ENOX1: variants seen among roughly 807,000 people sequenced by gnomAD.
ENOX1 encodes ecto-NOX disulfide-thiol exchanger 1.
Under a neutral mutation model 82.5 loss-of-function variants are expected in ENOX1, and 42 were observed. The ratio of observed to expected loss-of-function variants is 0.51; its 90% CI spans 0.40 to 0.66. ENOX1 has a LOEUF of 0.66. Among genes scored for constraint, ENOX1 ranks in the 30% least tolerant of loss-of-function variants. The pLI is 0.00. For synonymous variants in ENOX1, 271 were observed against 282.2 expected, an observed-to-expected ratio of 0.96 and a Z score of 0.40; for missense variants, 608 against 811.6, an observed-to-expected ratio of 0.75 and a Z score of 3.05.
chr13:43,249,518 A>G (rs1021360315), intron 14 of ENOX1, among the ~76,000 whole-genome samples: 3 of 152,136 alleles, frequency 2.0e-5, no homozygotes, highest in Non-Finnish European at 2.9e-5. Flanking sequence ...TACTAACTCT[A>G]TTGCTGGTAA....
chr13:43,627,019 C>T (rs1221560025), intron 2 of ENOX1, among the ~76,000 whole-genome samples: 1 of 151,862 alleles, frequency 6.6e-6, no homozygotes, highest in East Asian at 1.9e-4. Context: ...AGTAGATTGA[C>T]CTTTGCATCA....
rs574005570 is a variant in ENOX1, at chr13:43,429,682, G to A, written c.-74-16694C>T. On this transcript the variant is annotated intron_variant, in intron 3 of 16. Coordinates refer to ENST00000690772, the MANE Select transcript of ENOX1 (RefSeq NM_001347969.2). ...GCTTGGGGACCAAATAGATGAGCAG[G>A]CCATGTTAGGAAGGGCAGCAAGGAA... 3.3e-5 allele frequency among the ~76,000 whole-genome samples: 5 copies of A among 152,266 alleles called. No homozygotes were observed. The East Asian group carries it at 9.6e-4, about 29-fold the overall frequency.
chr13:43,583,899 A>G (rs1240483478), intron 2 of ENOX1, among the ~76,000 whole-genome samples: 1 of 151,440 alleles, frequency 6.6e-6, no homozygotes, highest in Non-Finnish European at 1.5e-5. Flanking sequence ...AAATCTTTCC[A>G]TACTTAAACA....
At chr13:43,253,268 G>C (rs959818569) in intron 14 of ENOX1, among the ~76,000 whole-genome samples, 1 of 150,232 alleles carries the variant, frequency 6.7e-6, no homozygotes, top group Non-Finnish European at 1.5e-5. Context: ...TCCTGTTCCA[G>C]TCTTTCCCGC....
intron 1 of ENOX1, among the ~76,000 whole-genome samples, chr13:43,703,487 C>A (rs780552233): frequency 1.1e-4 from 16 of 152,112 alleles, no homozygotes; most frequent in Non-Finnish European, 2.2e-4. Flanking sequence ...TTCTTAGATA[C>A]CTCTCTGAAG....
At chr13:43,600,181 A>G (rs1471571835) in intron 2 of ENOX1, among the ~76,000 whole-genome samples, 1 of 152,146 alleles carries the variant, frequency 6.6e-6, no homozygotes, top group Non-Finnish European at 1.5e-5. Context: ...ACAGTTTAGG[A>G]ACCAGCTCCG....
chr13:43,331,993 G>C (rs775057267), intron 9 of ENOX1, among the ~76,000 whole-genome samples: 1 of 152,066 alleles, frequency 6.6e-6, no homozygotes, highest in Non-Finnish European at 1.5e-5. Flanking sequence ...TTCAAATAGA[G>C]GAAGAAAAGG....
At chr13:43,615,186 A>T (rs1011193419) in intron 2 of ENOX1, among the ~76,000 whole-genome samples, 1 of 152,214 alleles carries the variant, frequency 6.6e-6, no homozygotes, top group Non-Finnish European at 1.5e-5. Context: ...GACATCAGTG[A>T]GCTTAAGGAA....
chr13:43,770,177 C>T lies in ENOX1; in HGVS notation c.-285+16475G>A, dbSNP rs118179735. ...TGAGGCATTTCCGCTTCTTCTTTAA[C>T]AAAACTCTTAGTTTCCAATTCATGA... On this transcript the variant is annotated intron_variant, in intron 1 of 16. Coordinates refer to ENST00000690772, the MANE Select transcript of ENOX1 (RefSeq NM_001347969.2). Among the ~76,000 whole-genome samples the T allele has an allele frequency of 4.1e-4, 63 of 152,324 alleles. No homozygotes were observed. In the East Asian group the frequency reaches 0.01, roughly 25 times the overall value.
At chr13:43,252,461 A>G in intron 14 of ENOX1, among the ~76,000 whole-genome samples, 1 of 152,202 alleles carries the variant, frequency 6.6e-6, no homozygotes, top group Middle Eastern at 3.2e-3. Context: ...ATGTCTGCAC[A>G]GCTTAGAAAT....
chr13:43,298,463 G>A lies in ENOX1; in HGVS notation c.1329C>T (p.Tyr443=). 1 of 1,614,064 alleles carries A rather than the reference G, an allele frequency of 6.2e-7. No homozygotes were observed. The part of the protein sequence containing the change: ...NDSLRWQLDA[Y]RNEVELLKQE... ...GTTTCAGCAGCTCCACCTCATTCCT[G>A]TAGGCATCCAGCTGCCAGCGGAGAC... is the stretch of plus-strand genomic sequence containing the variant. Residue 443 remains tyrosine (Y), a synonymous_variant, in exon 12 of 17, where the codon TAC becomes TAT. Transcript: ENST00000690772.
intron 9 of ENOX1, among the ~76,000 whole-genome samples, chr13:43,339,486 G>C (rs759642319): frequency 6.6e-6 from 1 of 152,214 alleles, no homozygotes; most frequent in African/African-American, 2.4e-5. Context: ...ATTCTGCAAT[G>C]TACCTGATCT....
At chr13:43,756,494 GA>G (rs1950646552) in intron 1 of ENOX1, among the ~76,000 whole-genome samples, 1 of 114,886 alleles carries the variant, frequency 8.7e-6, no homozygotes, top group Non-Finnish European at 1.8e-5. Context: ...AAGGGGAGGG[GA>G]AGGGAGAGAG....
chr13:43,662,890 A>T (rs1404537560), intron 2 of ENOX1, among the ~76,000 whole-genome samples: 1 of 152,238 alleles, frequency 6.6e-6, no homozygotes, highest in Admixed American at 6.5e-5. Flanking sequence ...AATATGCAGC[A>T]TCTATTCAAA....
chr13:43,460,814 A>G (rs1566278854), intron 3 of ENOX1, among the ~76,000 whole-genome samples: 1 of 94,590 alleles, frequency 1.1e-5, no homozygotes, highest in Non-Finnish European at 2.2e-5. Context: ...AAAAAAAAAA[A>G]AAAAAAAAAA....
At chr13:43,247,330 A>G (rs922196374) in intron 14 of ENOX1, among the ~76,000 whole-genome samples, 4 of 152,140 alleles carry the variant, frequency 2.6e-5, no homozygotes, top group African/African-American at 9.7e-5. Flanking sequence ...AAATAAATAC[A>G]TAAATAAAAA....
chr13:43,515,994 C>T (rs114919144), intron 2 of ENOX1, among the ~76,000 whole-genome samples: 2,060 of 152,226 alleles, frequency 0.014, 39 homozygotes, highest in African/African-American at 0.046. Flanking sequence ...CTAACCTATA[C>T]CTGCAAATCT....
At chr13:43,561,773 G>T (rs2079681726) in intron 2 of ENOX1, among the ~76,000 whole-genome samples, 1 of 152,018 alleles carries the variant, frequency 6.6e-6, no homozygotes, top group African/African-American at 2.4e-5. Context: ...GTGAGCCCAG[G>T]AGTTCAAGAC....
chr13:43,671,994 CA>C (rs2085292110), intron 1 of ENOX1, among the ~76,000 whole-genome samples: 1 of 152,134 alleles, frequency 6.6e-6, no homozygotes, highest in Non-Finnish European at 1.5e-5. Context: ...ACTTTGTATT[CA>C]AAAACTATGA....
Sources: allele counts gnomAD v4.1 joint callset (sites outside exome capture counted in the v4.1 genomes callset), GRCh38; gene constraint gnomAD v4.1.1; transcripts MANE v1.5; gene names NCBI Gene and HGNC (gene_info 2026-07-23, HGNC 2026-07-21).